SIGLEC12: variants seen among roughly 807,000 people sequenced by gnomAD.
SIGLEC12 encodes the protein sialic acid binding Ig like lectin 12, also known as sialic acid-binding Ig-like lectin 12.
A neutral mutation model predicts 54.1 loss-of-function variants in SIGLEC12; 43 were observed. The ratio of observed to expected loss-of-function variants is 0.80; its 90% CI spans 0.62 to 1.03. The LOEUF is 1.03. SIGLEC12 is among the 50% of genes least tolerant of loss of function. The probability of loss-of-function intolerance (pLI) is 0.00; values close to 1 mark genes in which losing one functional copy is unlikely to be tolerated. For missense variants in SIGLEC12, 802 were observed against 735.2 expected (o/e 1.09, Z -1.05); for synonymous variants, 357 against 307.6 (o/e 1.16, Z -1.68).
chr19:51,491,839 G>A lies in SIGLEC12; in HGVS notation c.1600-10C>T, dbSNP rs1395661180. On this transcript the variant is annotated splice_polypyrimidine_tract_variant and intron_variant, in intron 7 of 7. Transcript: ENST00000291707. Reference sequence around the variant, plus strand: ...ATTCAATCAGGGGTCCCTGAATGGAGGAAGAGAAGGGAGTCAGTGCAGAGC... The same window carrying A: ...ATTCAATCAGGGGTCCCTGAATGGAAGAAGAGAAGGGAGTCAGTGCAGAGC... The A allele has an allele frequency of 6.5e-7, 1 of 1,542,344 alleles. No homozygotes were observed. Among genetic ancestry groups the A allele is most frequent in the Non-Finnish European group, 8.7e-7 (1 of 1,148,820 alleles).
Position 51,500,241 on chromosome 19 carries a change from C to T in SIGLEC12, c.487G>A (p.Glu163Lys). ...LEVPESVTVQ[E>K]GLCVSVPCSV... Reference sequence around the variant, plus strand: ...CAGGGCACAGAGACACACAGACCCTCCTGCACAGTCACCGACTCTGGCACC... The same window carrying T: ...CAGGGCACAGAGACACACAGACCCTTCTGCACAGTCACCGACTCTGGCACC... The change falls in exon 2 of 8, where the codon GAG becomes AAG. Residue 163 changes from glutamate to lysine, a missense_variant. Physicochemically the swap from Glu to Lys is moderately conservative, Grantham distance 56. Coordinates refer to ENST00000291707, the MANE Select transcript of SIGLEC12 (RefSeq NM_053003.4). 4.3e-6 allele frequency: 7 copies of T among 1,614,192 alleles called. No individual in the cohort carries two copies. The highest frequency in any genetic ancestry group is 5.9e-6 in the Non-Finnish European group (7 of 1,180,030).
Position 51,500,315 on chromosome 19 carries a change from G to T in SIGLEC12, c.428-15C>A. ...GTCCTGGGACGCTGTGGAGAAACGA[G>T]GGTCAGCCCAGCCCCCACTGTCCCT... On this transcript the variant is annotated splice_polypyrimidine_tract_variant and intron_variant, in intron 1 of 7. Coordinates refer to ENST00000291707, the MANE Select transcript of SIGLEC12 (RefSeq NM_053003.4). 6.2e-7 allele frequency: 1 copy of T among 1,614,154 alleles called. No individual in the cohort carries two copies. The highest frequency in any genetic ancestry group is 8.5e-7 in the Non-Finnish European group (1 of 1,180,018).
At position 51,497,450 on chromosome 19, in the gene SIGLEC12, G is replaced by A. The variant is rs1464206135; in HGVS notation, c.1406-5C>T. ...CTGATATAGGCCTCATTTTGCCTGA[G>A]GATGGATTGGAGTTGTTTTGGGGTT... On this transcript the variant is annotated splice_polypyrimidine_tract_variant and splice_region_variant and intron_variant, in intron 5 of 7. Coordinates refer to ENST00000291707, the MANE Select transcript of SIGLEC12 (RefSeq NM_053003.4). 2 of 1,605,996 alleles carry A rather than the reference G, an allele frequency of 1.2e-6. No individual in the cohort carries two copies. The highest frequency in any genetic ancestry group is 1.3e-5 in the African/African-American group (1 of 74,872).
At chr19:51,501,034 A>T (rs1028388877) in intron 1 of SIGLEC12, among the ~76,000 whole-genome samples, 5 of 152,110 alleles carry the variant, frequency 3.3e-5, no homozygotes, top group African/African-American at 1.2e-4. Flanking sequence ...ACAGGCCCCA[A>T]AACAAGGAGT....
chr19:51,500,100 C>T lies in SIGLEC12; in HGVS notation c.628G>A (p.Gly210Arg). 1 of 1,614,116 alleles carries T rather than the reference C, an allele frequency of 6.2e-7. No homozygotes were observed. Among genetic ancestry groups the T allele is most frequent in the South Asian group, 1.1e-5 (1 of 91,086 alleles). ...CCGTGGGTATCCTCTTGCACTTTTC[C>T]ACTTGGGGTGTTTGTGGCCACTGGA... ...DIPVATNTPS[G>R]KVQEDTHGRF... The change falls in exon 2 of 8, where the codon GGA becomes AGA. Residue 210 changes from glycine to arginine, a missense_variant. Transcript: ENST00000291707.
rs139701790 is a variant in SIGLEC12 at position 51,501,690 on chromosome 19, C to T, written c.44G>A (p.Arg15Lys). Residue 15 changes from arginine (R) to lysine (K), a missense_variant, in exon 1 of 8, where the codon AGA becomes AAA. Physicochemically the swap from Arg to Lys is conservative, Grantham distance 26. Transcript: ENST00000291707. ...ATCCTTCTGTTCCTTAGCCCCCACT[C>T]TCCCACAGAGCAGGGGTGGCAGCAG... ...LLLLPPLLCGRVGAKEQKDYL... is the reference protein window; with the variant it reads ...LLLLPPLLCGKVGAKEQKDYL... 2.0e-5 allele frequency: 32 copies of T among 1,613,626 alleles called. No individual in the cohort carries two copies. The highest frequency in any genetic ancestry group is 2.4e-5 in the Non-Finnish European group (28 of 1,179,742).
At chr19:51,498,666 G>T (rs910527243) in intron 4 of SIGLEC12, among the ~76,000 whole-genome samples, 5 of 152,162 alleles carry the variant, frequency 3.3e-5, no homozygotes, top group Middle Eastern at 3.2e-3. Context: ...ACAGTGGAAT[G>T]ACACACAGCC....
At chr19:51,499,057 G>A (rs936353375) in intron 4 of SIGLEC12, 113 bp downstream of exon 4, 6 of 1,076,334 alleles carry the variant, frequency 5.6e-6, no homozygotes, top group East Asian at 2.4e-5. Context: ...GCTGAGGGAG[G>A]GGGGGGCCGG....
chr19:51,497,227 A>T lies in SIGLEC12; in HGVS notation c.1502+122T>A, dbSNP rs1990265844. 1.6e-5 allele frequency: 15 copies of T among 928,382 alleles called. 1 individual carries two copies. The East Asian group carries it at 2.0e-4, about 12-fold the overall frequency. The allele number at this position is 928,382 out of a possible 1,614,324, so 57.5% of individuals were successfully genotyped here. ...ATGAAATTCTTACCATGCACCCATG[A>T]CCTCATTCTGGCCCTTGCTTCAAGC... On this transcript the variant is annotated intron_variant, in intron 6 of 7. Coordinates refer to ENST00000291707, the MANE Select transcript of SIGLEC12 (RefSeq NM_053003.4).
chr19:51,501,163 T>C, intron 1 of SIGLEC12, 144 bp downstream of exon 1: 1 of 865,720 alleles, frequency 1.2e-6, no homozygotes, highest in Non-Finnish European at 1.8e-6. Flanking sequence ...CAAGGTGCGG[T>C]CCTGGGGAAG....
At chr19:51,497,539 C>T in intron 5 of SIGLEC12, 94 bp from the exon 6 acceptor site, 2 of 843,842 alleles carry the variant, frequency 2.4e-6, no homozygotes, top group Non-Finnish European at 3.8e-6. Flanking sequence ...TTGGGTACCC[C>T]AGTCCCGCTT....
chr19:51,500,869 G>T (rs1990375119), intron 1 of SIGLEC12, among the ~76,000 whole-genome samples: 1 of 152,026 alleles, frequency 6.6e-6, no homozygotes, highest in African/African-American at 2.4e-5. Context: ...TCACGGGGTT[G>T]TGTAGACCTA....
In SIGLEC12 at chr19:51,501,306, C is replaced by T. The variant is rs1225432274; in HGVS notation, c.427+1G>A. ...GGCCTCTCTTGGAGCCCGTGCCTTA[C>T]CTGTCACATTCACAGAGAGCTGGTC... On this transcript the variant is annotated splice_donor_variant, in intron 1 of 7. Coordinates refer to ENST00000291707, the MANE Select transcript of SIGLEC12 (RefSeq NM_053003.4). LOFTEE classifies it high-confidence loss of function. 1.2e-6 allele frequency: 2 copies of T among 1,613,790 alleles called. No individual in the cohort carries two copies. Among genetic ancestry groups the T allele is most frequent in the Non-Finnish European group, 1.7e-6 (2 of 1,179,824 alleles).
intron 1 of SIGLEC12, 52 bp from the exon 2 acceptor site, chr19:51,500,352 C>T: frequency 6.2e-7 from 1 of 1,613,840 alleles, no homozygotes; most frequent in Non-Finnish European, 8.5e-7. Context: ...TCTTCATTTG[C>T]CCATAGCAGG....
intron 1 of SIGLEC12, among the ~76,000 whole-genome samples, chr19:51,500,698 G>A (rs1221349957): frequency 6.6e-6 from 1 of 151,860 alleles, no homozygotes; most frequent in Admixed American, 6.6e-5. Flanking sequence ...CATCGTGGAG[G>A]TCCCTCCTGT....
At chr19:51,497,831 A>G (rs1258170557) in intron 5 of SIGLEC12, among the ~76,000 whole-genome samples, 187 bp downstream of exon 5, 3 of 152,050 alleles carry the variant, frequency 2.0e-5, no homozygotes, top group Admixed American at 6.5e-5. Context: ...TGTATCCCCA[A>G]ACACACTTGT....
chr19:51,500,746 G>A (rs1347164471), intron 1 of SIGLEC12, among the ~76,000 whole-genome samples: 1 of 151,318 alleles, frequency 6.6e-6, no homozygotes, highest in African/African-American at 2.4e-5. Flanking sequence ...GAGGACCTCG[G>A]GGCATGAGAG....
intron 3 of SIGLEC12, 108 bp downstream of exon 3, chr19:51,499,329 CA>C: frequency 6.4e-7 from 1 of 1,566,456 alleles, no homozygotes; most frequent in Non-Finnish European, 8.7e-7. Flanking sequence ...TCCTGACCCC[CA>C]ACTCCCAGCC....
At chr19:51,501,271 A>C (rs1990386244) in intron 1 of SIGLEC12, 36 bp downstream of exon 1, 1 of 1,605,458 alleles carries the variant, frequency 6.2e-7, no homozygotes, top group African/African-American at 1.3e-5. Flanking sequence ...CCCTCATCAC[A>C]TTTGCCTTTG....
Sources: allele counts gnomAD v4.1 joint callset (sites outside exome capture counted in the v4.1 genomes callset), GRCh38; gene constraint gnomAD v4.1.1; transcripts MANE v1.5; gene names NCBI Gene and HGNC (gene_info 2026-07-23, HGNC 2026-07-21).